CSMD1: variants seen among roughly 807,000 people sequenced by gnomAD.
CSMD1 encodes CUB and Sushi multiple domains 1, also known as CUB and sushi domain-containing protein 1.
A neutral mutation model predicts 417.5 loss-of-function variants in CSMD1; 213 were observed. That is an observed-to-expected ratio of 0.51 (90% CI 0.46 to 0.57). The LOEUF (loss-of-function observed/expected upper bound fraction) is 0.57, where lower values mean the gene tolerates loss of function less well. Among genes scored for constraint, CSMD1 ranks in the 20% least tolerant of loss-of-function variants. The pLI is 0.00. For missense variants in CSMD1, 6,923 were observed against 4,529.7 expected (o/e 1.53, Z -15.17); for synonymous variants, 2,862 against 1,736.8 (o/e 1.65, Z -16.11).
chr8:3,159,420 C>T (rs1489564945), intron 38 of CSMD1, among the ~76,000 whole-genome samples: 1 of 152,192 alleles, frequency 6.6e-6, no homozygotes. Flanking sequence ...GGAAGTCATA[C>T]ATCATTCCAA....
At chr8:3,335,492 A>G (rs983650332) in intron 23 of CSMD1, among the ~76,000 whole-genome samples, 5 of 152,148 alleles carry the variant, frequency 3.3e-5, no homozygotes, top group African/African-American at 1.2e-4. Flanking sequence ...AGCCTGACCA[A>G]CATAGAGAAA....
intron 1 of CSMD1, among the ~76,000 whole-genome samples, chr8:4,757,537 A>T (rs570151089): frequency 6.6e-6 from 1 of 152,290 alleles, no homozygotes; most frequent in East Asian, 1.9e-4. Context: ...CATCCCTACC[A>T]TGTAGGTGAC....
chr8:4,292,152 C>T (rs568578189), intron 3 of CSMD1, among the ~76,000 whole-genome samples: 3 of 152,120 alleles, frequency 2.0e-5, no homozygotes, highest in Admixed American at 1.3e-4. Context: ...GAAAATGACC[C>T]AGGTGAGCCC....
intron 3 of CSMD1, among the ~76,000 whole-genome samples, chr8:4,085,337 GA>G (rs1158383177): frequency 1.3e-5 from 2 of 152,074 alleles, no homozygotes; most frequent in East Asian, 3.8e-4. Context: ...AAGACAAAAT[GA>G]ATGGCATCTC....
chr8:3,510,763 G>C (rs1563107703), intron 10 of CSMD1, among the ~76,000 whole-genome samples: 1 of 151,782 alleles, frequency 6.6e-6, no homozygotes, highest in East Asian at 1.9e-4. Context: ...TGACCAGTGA[G>C]GATGAGCTTT....
At chr8:4,342,561 C>A (rs180787399) in intron 3 of CSMD1, among the ~76,000 whole-genome samples, 1 of 151,940 alleles carries the variant, frequency 6.6e-6, no homozygotes, top group Non-Finnish European at 1.5e-5. Context: ...GTAAGTGATC[C>A]TCTCAGATGG....
intron 7 of CSMD1, among the ~76,000 whole-genome samples, chr8:3,663,956 T>C (rs1798551483): frequency 6.6e-6 from 1 of 152,188 alleles, no homozygotes; most frequent in South Asian, 2.1e-4. Flanking sequence ...GAACCAAGGC[T>C]TTGTTCAAAC....
chr8:3,912,762 T>A (rs74689123), intron 5 of CSMD1, among the ~76,000 whole-genome samples: 228 of 152,308 alleles, frequency 1.5e-3, no homozygotes, highest in African/African-American at 5.2e-3. Flanking sequence ...TCTGCTCTTG[T>A]AGCTCAAGGT....
At chr8:4,410,851 G>A (rs891526839) in intron 3 of CSMD1, among the ~76,000 whole-genome samples, 2 of 152,184 alleles carry the variant, frequency 1.3e-5, no homozygotes, top group African/African-American at 2.4e-5. Flanking sequence ...AAATTTAACT[G>A]TCAGTGTAAT....
At chr8:4,528,868 T>C (rs1447819567) in intron 2 of CSMD1, among the ~76,000 whole-genome samples, 2 of 152,110 alleles carry the variant, frequency 1.3e-5, no homozygotes, top group African/African-American at 2.4e-5. Flanking sequence ...AAAGGTATAG[T>C]ACTAAAAATG....
intron 21 of CSMD1, among the ~76,000 whole-genome samples, chr8:3,354,342 G>C (rs1300100532): frequency 3.3e-5 from 5 of 152,126 alleles, no homozygotes; most frequent in Non-Finnish European, 7.4e-5. Context: ...TGTAGAAATT[G>C]TTGTGGGGCT....
intron 59 of CSMD1, among the ~76,000 whole-genome samples, chr8:2,963,882 C>G (rs566705466): frequency 2.2e-4 from 34 of 152,174 alleles, no homozygotes; most frequent in Non-Finnish European, 5.9e-5. Flanking sequence ...TTTAGAAATG[C>G]CTGAATGGTT....
At chr8:4,445,449 A>G (rs1325494849) in intron 2 of CSMD1, among the ~76,000 whole-genome samples, 1 of 152,186 alleles carries the variant, frequency 6.6e-6, no homozygotes, top group African/African-American at 2.4e-5. Context: ...TTCAAAATTT[A>G]TACCCTCCAG....
At chr8:4,821,431 T>G (rs891858683) in intron 1 of CSMD1, among the ~76,000 whole-genome samples, 3 of 152,126 alleles carry the variant, frequency 2.0e-5, no homozygotes, top group Admixed American at 2.0e-4. Context: ...GATAGAAAAT[T>G]AAGGTAAAAA....
At chr8:4,332,098 C>T (rs1311994731) in intron 3 of CSMD1, among the ~76,000 whole-genome samples, 1 of 151,918 alleles carries the variant, frequency 6.6e-6, no homozygotes, top group Non-Finnish European at 1.5e-5. Flanking sequence ...TTAATTTTGC[C>T]AAGAAACCAC....
chr8:4,138,933 T>G (rs900928194), intron 3 of CSMD1, among the ~76,000 whole-genome samples: 3 of 152,200 alleles, frequency 2.0e-5, no homozygotes, highest in Non-Finnish European at 2.9e-5. Context: ...TCTATTTATT[T>G]GGAATATTAA....
At position 4,916,469 on chromosome 8, in the gene CSMD1, G is replaced by T. The variant is rs918674820; in HGVS notation, c.85+77863C>A. Among the ~76,000 whole-genome samples, 4 of 152,190 alleles carry T rather than the reference G, an allele frequency of 2.6e-5. No individual in the cohort carries two copies. The South Asian group carries it at 6.2e-4, about 24-fold the overall frequency. ...ATTGTTTGTCAGGGAAGATGGTTTTGTTCAACTTGCAATGTATGTTTTCTT... is the reference window on the plus strand; with the variant it reads ...ATTGTTTGTCAGGGAAGATGGTTTTTTTCAACTTGCAATGTATGTTTTCTT... On this transcript the variant is annotated intron_variant, in intron 1 of 69. Coordinates refer to ENST00000635120, the MANE Select transcript of CSMD1 (RefSeq NM_033225.6).
chr8:4,730,896 C>G (rs376977522), intron 1 of CSMD1, among the ~76,000 whole-genome samples: 5 of 132,344 alleles, frequency 3.8e-5, no homozygotes, highest in African/African-American at 1.3e-4. Context: ...TTTCCTGTGA[C>G]TAAACCGTGC....
At chr8:4,718,502 C>A (rs1390984158) in intron 1 of CSMD1, among the ~76,000 whole-genome samples, 2 of 151,790 alleles carry the variant, frequency 1.3e-5, no homozygotes, top group African/African-American at 4.8e-5. Flanking sequence ...ACTAATATTC[C>A]CGCTGTCAAT....
Sources: allele counts gnomAD v4.1 joint callset (sites outside exome capture counted in the v4.1 genomes callset), GRCh38; gene constraint gnomAD v4.1.1; transcripts MANE v1.5; gene names NCBI Gene and HGNC (gene_info 2026-07-23, HGNC 2026-07-21).